ZNF420: variants seen among roughly 807,000 people sequenced by gnomAD.
The protein encoded by ZNF420 is ATM and p53-associated KZNF protein.
A neutral mutation model predicts 44.7 loss-of-function variants in ZNF420; 31 were observed. The observed-to-expected ratio is 0.69, with a 90% CI of 0.52 to 0.94. The LOEUF is 0.94. Among genes scored for constraint, ZNF420 ranks in the 40% least tolerant of loss-of-function variants. The probability of loss-of-function intolerance (pLI) is 0.00; values close to 1 mark genes in which losing one functional copy is unlikely to be tolerated. For missense variants in ZNF420, 681 were observed against 827.9 expected (o/e 0.82, Z 2.18); for synonymous variants, 245 against 267.4 (o/e 0.92, Z 0.82).
intron 1 of ZNF420, among the ~76,000 whole-genome samples, chr19:37,021,106 G>A (rs765048608): frequency 7.9e-5 from 12 of 152,130 alleles, no homozygotes; most frequent in Admixed American, 1.3e-4. Flanking sequence ...AGCAAAAGAC[G>A]TGTAAACCAG....
At chr19:37,088,966 A>G in intron 2 of ZNF420, 73 bp from the exon 3 acceptor site, 1 of 716,756 alleles carries the variant, frequency 1.4e-6, no homozygotes. Context: ...AAGAACAACA[A>G]AGATAATTCC....
chr19:37,107,600 C>G (rs1032384079), intron 4 of ZNF420: 1 of 152,014 alleles, frequency 6.6e-6, no homozygotes, highest in East Asian at 2.0e-4. Context: ...TCTCTTTTCC[C>G]ATTTCCCCCT....
At chr19:37,090,800 A>C (rs770498469) in intron 3 of ZNF420, among the ~76,000 whole-genome samples, 195 bp from the exon 4 acceptor site, 18 of 151,558 alleles carry the variant, frequency 1.2e-4, no homozygotes, top group Non-Finnish European at 2.2e-4. Context: ...GGTGCCTGTA[A>C]TCCCAGCTAC....
chr19:37,058,786 C>T (rs1568432858), intron 1 of ZNF420, among the ~76,000 whole-genome samples: 1 of 152,182 alleles, frequency 6.6e-6, no homozygotes, highest in Non-Finnish European at 1.5e-5. Flanking sequence ...CCAATCTGCT[C>T]TTAGGGAAGC....
intron 1 of ZNF420, among the ~76,000 whole-genome samples, chr19:37,018,509 G>C (rs1238065381): frequency 5.9e-5 from 9 of 152,176 alleles, no homozygotes; most frequent in Admixed American, 5.9e-4. Flanking sequence ...ACAGGGTTCT[G>C]AACTGTGCTA....
At chr19:37,115,397 C>T (rs1349034670) in intron 4 of ZNF420, among the ~76,000 whole-genome samples, 2 of 152,058 alleles carry the variant, frequency 1.3e-5, no homozygotes, top group Non-Finnish European at 2.9e-5. Context: ...TCTCTACCAT[C>T]TTGGAGAGGG....
At chr19:37,122,899 C>G (rs1248143900) in intron 4 of ZNF420, among the ~76,000 whole-genome samples, 1 of 152,206 alleles carries the variant, frequency 6.6e-6, no homozygotes, top group Non-Finnish European at 1.5e-5. Context: ...TCCCCAGAGT[C>G]ACATACTTAC....
At chr19:37,083,537 T>C (rs1332012208) in intron 2 of ZNF420, among the ~76,000 whole-genome samples, 1 of 152,236 alleles carries the variant, frequency 6.6e-6, no homozygotes, top group African/African-American at 2.4e-5. Flanking sequence ...TTAAAACATA[T>C]CTGTTATGTT....
intron 1 of ZNF420, among the ~76,000 whole-genome samples, chr19:37,045,162 A>G (rs894526495): frequency 8.5e-5 from 13 of 152,198 alleles, no homozygotes; most frequent in African/African-American, 2.9e-4. Flanking sequence ...AAATTAGGAT[A>G]TTTTAAAAGT....
intron 1 of ZNF420, among the ~76,000 whole-genome samples, chr19:37,057,609 T>A (rs1331509595): frequency 6.6e-6 from 1 of 152,164 alleles, no homozygotes; most frequent in Non-Finnish European, 1.5e-5. Flanking sequence ...GGTGAGCCTT[T>A]TTTTTGGTCT....
At chr19:37,090,939 A>G (rs975629310) in intron 3 of ZNF420, 56 bp from the exon 4 acceptor site, 54 of 1,574,380 alleles carry the variant, frequency 3.4e-5, no homozygotes, top group Middle Eastern at 1.7e-4. Flanking sequence ...AAAAGAAAGA[A>G]AAAAAGAAAA....
At chr19:37,120,121 A>G (rs1970942982) in intron 4 of ZNF420, among the ~76,000 whole-genome samples, 1 of 152,258 alleles carries the variant, frequency 6.6e-6, no homozygotes, top group Non-Finnish European at 1.5e-5. Flanking sequence ...AACTCATTTT[A>G]TGAGGCCAGC....
chr19:37,026,768 A>G (rs1299181891), intron 1 of ZNF420, among the ~76,000 whole-genome samples: 1 of 152,246 alleles, frequency 6.6e-6, no homozygotes, highest in African/African-American at 2.4e-5. Flanking sequence ...GGCTAAAAAA[A>G]CCAAAAACTT....
intron 1 of ZNF420, among the ~76,000 whole-genome samples, chr19:37,026,276 G>A (rs7254063): frequency 0.33 from 49,278 of 150,990 alleles, 8,241 homozygotes; most frequent in Non-Finnish European, 0.35. Context: ...TCCTGCCTCA[G>A]CCTCCCGAGT....
Position 37,129,104 on chromosome 19 carries a change from T to C in ZNF420, c.*46T>C. ...CACTATGAAGAGGTTCTCTGGTTGT[T>C]AGCAGCAAAGAATTCTCACAAATGT... On this transcript the variant is annotated 3_prime_UTR_variant, in exon 5 of 5. Coordinates refer to ENST00000337995, the MANE Select transcript of ZNF420 (RefSeq NM_144689.5). The C allele has an allele frequency of 1.9e-6, 3 of 1,560,728 alleles. No individual in the cohort carries two copies. Among genetic ancestry groups the C allele is most frequent in the Non-Finnish European group, 2.6e-6 (3 of 1,151,928 alleles).
intron 1 of ZNF420, among the ~76,000 whole-genome samples, chr19:37,033,364 A>C (rs750136551): frequency 6.6e-6 from 1 of 152,016 alleles, no homozygotes; most frequent in African/African-American, 2.4e-5. Context: ...ATAGCCCTTC[A>C]TTACTCTCTC....
intron 1 of ZNF420, among the ~76,000 whole-genome samples, chr19:37,060,932 C>T (rs1967866589): frequency 6.6e-6 from 1 of 152,062 alleles, no homozygotes; most frequent in Non-Finnish European, 1.5e-5. Context: ...TCAGGGCTAC[C>T]TGGGCGGTGG....
chr19:37,130,048 G>C lies in ZNF420; in HGVS notation c.*990G>C. The C allele has an allele frequency of 6.5e-7, 1 of 1,543,550 alleles. No individual in the cohort carries two copies. Among genetic ancestry groups the C allele is most frequent in the Non-Finnish European group, 8.7e-7 (1 of 1,143,930 alleles). On this transcript the variant is annotated 3_prime_UTR_variant, in exon 5 of 5. Transcript: ENST00000337995. Reference sequence around the variant, plus strand: ...GCTGAAAATCTCAGCCTTCCTTGCAGGTCAACAAGATAGAAGTGATATTTA... The same window carrying C: ...GCTGAAAATCTCAGCCTTCCTTGCACGTCAACAAGATAGAAGTGATATTTA...
At chr19:37,036,521 C>T (rs1004029786) in intron 1 of ZNF420, among the ~76,000 whole-genome samples, 2 of 152,314 alleles carry the variant, frequency 1.3e-5, no homozygotes, top group East Asian at 3.9e-4. Flanking sequence ...ATCCTGAGAT[C>T]CAGCCCTCCA....
Sources: gnomAD v4.1 joint callset for allele counts (sites outside exome capture counted in the v4.1 genomes callset) on GRCh38, gnomAD v4.1.1 for gene constraint, MANE v1.5 for transcripts, NCBI Gene and HGNC (gene_info 2026-07-23, HGNC 2026-07-21) for gene names.